Variants in TNR observed in about 807,000 individuals in gnomAD.
The protein encoded by TNR is tenascin R, also known as tenascin-R.
TNR carries 45 observed loss-of-function variants against 150.4 expected under a neutral mutation model. The ratio of observed to expected loss-of-function variants is 0.30; its 90% CI spans 0.24 to 0.38. The LOEUF (loss-of-function observed/expected upper bound fraction) is 0.38, where lower values mean the gene tolerates loss of function less well. Among genes scored for constraint, TNR ranks in the 10% least tolerant of loss-of-function variants. The pLI, the probability that TNR is intolerant of heterozygous loss-of-function variation, is 1.00. For missense variants in TNR, 1,544 were observed against 1,759.1 expected (o/e 0.88, Z 2.19); for synonymous variants, 687 against 678.4 (o/e 1.01, Z -0.20).
chr1:175,393,003 G>A (rs1653252377), intron 6 of TNR, among the ~76,000 whole-genome samples: 1 of 152,160 alleles, frequency 6.6e-6, no homozygotes, highest in South Asian at 2.1e-4. Context: ...GCTAAAAAAT[G>A]TTCTTTGATG....
intron 2 of TNR, among the ~76,000 whole-genome samples, chr1:175,480,646 G>A (rs1051939331): frequency 6.6e-6 from 1 of 152,148 alleles, no homozygotes; most frequent in Admixed American, 6.5e-5. Flanking sequence ...GTTCCCACAC[G>A]CTATGTGAGG....
intron 2 of TNR, among the ~76,000 whole-genome samples, chr1:175,449,838 G>A (rs1436121647): frequency 6.6e-6 from 1 of 152,064 alleles, no homozygotes; most frequent in Non-Finnish European, 1.5e-5. Flanking sequence ...TTTGAGATTT[G>A]AGCCTCTCTC....
At chr1:175,396,230 A>T (rs1653418666) in intron 5 of TNR, among the ~76,000 whole-genome samples, 1 of 152,352 alleles carries the variant, frequency 6.6e-6, no homozygotes, top group Admixed American at 6.5e-5. Context: ...AAGTCTGTAG[A>T]TGTCTTACAC....
chr1:175,323,079 G>A lies in TNR; in HGVS notation c.*278C>T. The A allele has an allele frequency of 3.2e-6, 1 of 317,158 alleles. No individual in the cohort carries two copies. 19.6% of individuals were successfully genotyped at this position (317,158 alleles called of 1,614,324 possible). ...CACCCCACGACTTGGCTTTGAATTGGCCCTTTAAGAAAACTTCCTACTTCT... is the reference window on the plus strand; with the variant it reads ...CACCCCACGACTTGGCTTTGAATTGACCCTTTAAGAAAACTTCCTACTTCT... On this transcript the variant is annotated 3_prime_UTR_variant, in exon 23 of 23. Transcript: ENST00000367674.
intron 1 of TNR, among the ~76,000 whole-genome samples, chr1:175,528,767 C>G (rs113398194): frequency 5.6e-4 from 86 of 152,282 alleles, no homozygotes; most frequent in African/African-American, 1.9e-3. Context: ...CTGACCCCCT[C>G]TTATGTCCTT....
intron 2 of TNR, among the ~76,000 whole-genome samples, chr1:175,525,972 C>A (rs1051537315): frequency 6.6e-6 from 1 of 151,502 alleles, no homozygotes; most frequent in Non-Finnish European, 1.5e-5. Context: ...AATATATTTA[C>A]CTAAACATTG....
intron 1 of TNR, among the ~76,000 whole-genome samples, chr1:175,534,913 G>A (rs886772584): frequency 6.6e-6 from 1 of 152,174 alleles, no homozygotes; most frequent in African/African-American, 2.4e-5. Flanking sequence ...CAGGAGATTT[G>A]ATGGTTTTAT....
chr1:175,325,755 A>G (rs1350102533), intron 21 of TNR, among the ~76,000 whole-genome samples: 1 of 152,176 alleles, frequency 6.6e-6, no homozygotes, highest in Non-Finnish European at 1.5e-5. Flanking sequence ...ATTCTCAGCA[A>G]ACTATCTCAA....
At chr1:175,654,246 A>G (rs1366015388) in intron 1 of TNR, among the ~76,000 whole-genome samples, 1 of 152,230 alleles carries the variant, frequency 6.6e-6, no homozygotes, top group Non-Finnish European at 1.5e-5. Flanking sequence ...GACTGTTTCA[A>G]TTGGATTCTT....
chr1:175,475,012 G>A (rs1459760090), intron 2 of TNR, among the ~76,000 whole-genome samples: 1 of 152,164 alleles, frequency 6.6e-6, no homozygotes, highest in African/African-American at 2.4e-5. Context: ...TGTTTGTTAA[G>A]GGCAGAAGTG....
chr1:175,474,424 C>G (rs1657453800), intron 2 of TNR, among the ~76,000 whole-genome samples: 1 of 152,130 alleles, frequency 6.6e-6, no homozygotes, highest in Admixed American at 6.6e-5. Context: ...AGCAGAGAGG[C>G]CTCAGAGAGG....
intron 1 of TNR, among the ~76,000 whole-genome samples, chr1:175,567,667 C>A (rs1387809358): frequency 2.0e-5 from 3 of 152,128 alleles, no homozygotes; most frequent in Non-Finnish European, 4.4e-5. Context: ...AAGGAGGAAC[C>A]TGGGACCTCT....
intron 1 of TNR, among the ~76,000 whole-genome samples, chr1:175,614,647 TC>T (rs1663710260): frequency 6.6e-6 from 1 of 152,228 alleles, no homozygotes; most frequent in South Asian, 2.1e-4. Flanking sequence ...GATATGCACT[TC>T]AGGCAAGAAG....
chr1:175,514,568 A>G (rs1659325710), intron 2 of TNR, among the ~76,000 whole-genome samples: 1 of 152,248 alleles, frequency 6.6e-6, no homozygotes, highest in African/African-American at 2.4e-5. Context: ...CATGGTTCCC[A>G]GGGAAACAGT....
intron 18 of TNR, among the ~76,000 whole-genome samples, chr1:175,349,465 T>C (rs915386782): frequency 6.6e-6 from 1 of 152,178 alleles, no homozygotes; most frequent in African/African-American, 2.4e-5. Context: ...AAAACAGTGC[T>C]GAGCAAAAAC....
chr1:175,551,882 T>C (rs1660955965), intron 1 of TNR, among the ~76,000 whole-genome samples: 1 of 152,076 alleles, frequency 6.6e-6, no homozygotes, highest in Admixed American at 6.6e-5. Flanking sequence ...CCTGTGTGAG[T>C]GTGTGTGGTG....
At chr1:175,626,233 G>A (rs1294520188) in intron 1 of TNR, among the ~76,000 whole-genome samples, 2 of 152,168 alleles carry the variant, frequency 1.3e-5, no homozygotes, top group Non-Finnish European at 2.9e-5. Context: ...TCAGCAGTGT[G>A]AAAATGCACT....
At chr1:175,610,395 G>A (rs1224892834) in intron 1 of TNR, among the ~76,000 whole-genome samples, 2 of 152,198 alleles carry the variant, frequency 1.3e-5, no homozygotes, top group Non-Finnish European at 2.9e-5. Flanking sequence ...ATTGCTTCAT[G>A]AAGGATTAGC....
chr1:175,331,049 CTT>C (rs373781031), intron 20 of TNR, among the ~76,000 whole-genome samples: 14 of 103,170 alleles, frequency 1.4e-4, no homozygotes, highest in African/African-American at 4.4e-4. Flanking sequence ...TTCTTTCTTT[CTT>C]TCTTTCTTTC....
Sources: allele counts gnomAD v4.1 joint callset (sites outside exome capture counted in the v4.1 genomes callset), GRCh38; gene constraint gnomAD v4.1.1; transcripts MANE v1.5; gene names NCBI Gene and HGNC (gene_info 2026-07-23, HGNC 2026-07-21).